Variants in CASQ2 observed in about 807,000 individuals in gnomAD.
CASQ2 encodes the protein calsequestrin-2.
In CASQ2, 49 loss-of-function variants were observed where a neutral mutation model predicts 46.5. The observed-to-expected ratio is 1.05, with a 90% CI of 0.84 to 1.34. The LOEUF is 1.34. CASQ2 is among the 40% of genes most tolerant of loss of function. The pLI is 0.00. For synonymous variants in CASQ2, 174 were observed against 168.5 expected (o/e 1.03, Z -0.25); for missense variants, 486 against 481.3 (o/e 1.01, Z -0.09).
chr1:115,744,501 G>A (rs1390030884), intron 2 of CASQ2, among the ~76,000 whole-genome samples: 1 of 152,236 alleles, frequency 6.6e-6, no homozygotes, highest in African/African-American at 2.4e-5. Flanking sequence ...GATCACCACA[G>A]TGGTGAGATA....
intron 8 of CASQ2, among the ~76,000 whole-genome samples, chr1:115,715,354 GT>G (rs1654667645): frequency 6.6e-6 from 1 of 152,120 alleles, no homozygotes; most frequent in Non-Finnish European, 1.5e-5. Flanking sequence ...CATAAATTTG[GT>G]TTTGATACAA....
Position 115,738,310 on chromosome 1 carries a change from A to T in CASQ2, c.446T>A (p.Ile149Asn). The part of the protein sequence containing the change: ...LDLIEDPVEI[I>N]SSKLEVQAFE... ...GGCTTGGACTTCCAGTTTGCTGCTG[A>T]TGATCTCCACTGGGTCTTCAATTAG... The change falls in exon 4 of 11, where the codon ATC becomes AAC. Residue 149 changes from isoleucine to asparagine, a missense_variant. By Grantham distance (149) the Ile-to-Asn change is moderately radical (BLOSUM62 -3). Transcript: ENST00000261448. 4 of 1,612,766 alleles carry T rather than the reference A, an allele frequency of 2.5e-6. No homozygotes were observed. The highest frequency in any genetic ancestry group is 3.4e-6 in the Non-Finnish European group (4 of 1,178,710).
chr1:115,703,795 C>T (rs559068523), intron 9 of CASQ2, among the ~76,000 whole-genome samples: 1 of 151,826 alleles, frequency 6.6e-6, no homozygotes, highest in Non-Finnish European at 1.5e-5. Flanking sequence ...TTCTATAGTC[C>T]CAACTGCTCA....
At chr1:115,747,243 T>C (rs1333223183) in intron 1 of CASQ2, among the ~76,000 whole-genome samples, 1 of 152,226 alleles carries the variant, frequency 6.6e-6, no homozygotes, top group Admixed American at 6.5e-5. Context: ...CTTTCATCCA[T>C]TCAATTGCTT....
chr1:115,745,333 G>A (rs1317565092), intron 1 of CASQ2, among the ~76,000 whole-genome samples: 1 of 151,884 alleles, frequency 6.6e-6, no homozygotes, highest in East Asian at 1.9e-4. Flanking sequence ...AATAAAGGAG[G>A]CCTATGTCCT....
chr1:115,741,489 C>G (rs1412269156), intron 2 of CASQ2, among the ~76,000 whole-genome samples: 1 of 152,186 alleles, frequency 6.6e-6, no homozygotes, highest in Non-Finnish European at 1.5e-5. Flanking sequence ...CTTTGTTCAG[C>G]TCAATTTACA....
At chr1:115,712,212 C>T (rs1283238245) in intron 8 of CASQ2, among the ~76,000 whole-genome samples, 7 of 152,300 alleles carry the variant, frequency 4.6e-5, no homozygotes, top group South Asian at 2.1e-4. Flanking sequence ...AGAAGTCACC[C>T]GTGAGAGTCA....
chr1:115,719,508 T>G (rs750645804), intron 7 of CASQ2, among the ~76,000 whole-genome samples: 12 of 152,218 alleles, frequency 7.9e-5, no homozygotes, highest in Non-Finnish European at 1.3e-4. Context: ...TCTAGAAGGC[T>G]GCTCATAATA....
rs1647551183 is a variant in CASQ2 at position 115,725,538 on chromosome 1, G to T, written c.753C>A (p.Arg251=). 6.2e-6 allele frequency: 10 copies of T among 1,600,644 alleles called. No homozygotes were observed. Among genetic ancestry groups the T allele is most frequent in the Non-Finnish European group, 8.5e-6 (10 of 1,176,958 alleles). The part of the protein sequence containing the change: ...VKEHQRPTLR[R]LRPEEMFETW... ...TTTCAAACATTTCTTCTGGGCGCAG[G>T]CGACGTAGAGTGGGTCTGGAAAAAA... Residue 251 remains arginine (R), a synonymous_variant, in exon 7 of 11, where the codon CGC becomes CGA. Coordinates refer to ENST00000261448, the MANE Select transcript of CASQ2 (RefSeq NM_001232.4).
chr1:115,730,350 G>A (rs1275780083), intron 5 of CASQ2, among the ~76,000 whole-genome samples: 1 of 152,108 alleles, frequency 6.6e-6, no homozygotes, highest in African/African-American at 2.4e-5. Flanking sequence ...TTATTGGTTT[G>A]TTTACTTTTG....
chr1:115,743,727 A>C (rs1389333958), intron 2 of CASQ2, among the ~76,000 whole-genome samples: 2 of 148,910 alleles, frequency 1.3e-5, no homozygotes, highest in Non-Finnish European at 3.0e-5. Flanking sequence ...CTCCAAATCC[A>C]ATTAACCTTT....
At chr1:115,705,620 T>A in intron 8 of CASQ2, among the ~76,000 whole-genome samples, 1 of 152,242 alleles carries the variant, frequency 6.6e-6, no homozygotes, top group East Asian at 1.9e-4. Context: ...CTGTCCTTAC[T>A]GATCCTGTGC....
At chr1:115,739,057 T>C (rs201208922) in intron 3 of CASQ2, among the ~76,000 whole-genome samples, 1 of 37,908 alleles carries the variant, frequency 2.6e-5, no homozygotes, top group Non-Finnish European at 8.6e-5. Flanking sequence ...GATAGTTTTC[T>C]TTTTTTAAAA....
intron 4 of CASQ2, 150 bp from the exon 5 acceptor site, chr1:115,733,124 T>C: frequency 1.7e-6 from 1 of 578,194 alleles, no homozygotes; most frequent in South Asian, 2.5e-5. Context: ...TTATTTAATA[T>C]TATTTAAGCC....
intron 1 of CASQ2, among the ~76,000 whole-genome samples, chr1:115,747,419 ACTTTATT>A (rs1180631977): frequency 2.0e-5 from 3 of 152,052 alleles, no homozygotes; most frequent in Admixed American, 6.5e-5. Flanking sequence ...ATCTCTTTTC[ACTTTATT>A]CTTTATTTTT....
intron 4 of CASQ2, among the ~76,000 whole-genome samples, chr1:115,734,438 G>A (rs1031154945): frequency 6.6e-6 from 1 of 152,138 alleles, no homozygotes; most frequent in African/African-American, 2.4e-5. Context: ...TGGAGAGCTG[G>A]TCTACATCAC....
intron 4 of CASQ2, among the ~76,000 whole-genome samples, chr1:115,737,713 A>C (rs1431129970): frequency 6.6e-6 from 1 of 152,188 alleles, no homozygotes; most frequent in East Asian, 1.9e-4. Context: ...GAATATGTCC[A>C]AGGGTGTGGC....
intron 8 of CASQ2, among the ~76,000 whole-genome samples, chr1:115,717,593 C>G (rs989369978): frequency 6.6e-5 from 10 of 152,204 alleles, no homozygotes; most frequent in Non-Finnish European, 1.5e-4. Flanking sequence ...GTGTGTTGGT[C>G]CATTGCTGTG....
At position 115,767,456 on chromosome 1, in the gene CASQ2, G is replaced by A. The variant is rs919203739; in HGVS notation, c.234+852C>T. On this transcript the variant is annotated intron_variant, in intron 1 of 10. Transcript: ENST00000261448. ...CTCTGATTGTGCTGGTTAATAAACT[G>A]TAATTCTCAAATATCCCTTTCACAG... Among the ~76,000 whole-genome samples, 11 of 152,282 alleles carry A rather than the reference G, an allele frequency of 7.2e-5. No homozygotes were observed. The South Asian group carries it at 1.7e-3, about 23-fold the overall frequency.
Sources: gnomAD v4.1 joint callset for allele counts (sites outside exome capture counted in the v4.1 genomes callset) on GRCh38, gnomAD v4.1.1 for gene constraint, MANE v1.5 for transcripts, NCBI Gene and HGNC (gene_info 2026-07-23, HGNC 2026-07-21) for gene names.